The following PAM variants were observed in gnomAD, a reference collection of about 807,000 sequenced individuals.
PAM encodes peptidyl-glycine alpha-amidating monooxygenase.
PAM carries 72 observed loss-of-function variants against 122.1 expected under a neutral mutation model. That is an observed-to-expected ratio of 0.59 (90% CI 0.49 to 0.72). The LOEUF (loss-of-function observed/expected upper bound fraction) is 0.72. PAM is among the 30% of genes least tolerant of loss of function. The pLI, the probability that PAM is intolerant of heterozygous loss-of-function variation, is 0.00. For synonymous variants in PAM, 389 were observed against 404.4 expected (o/e 0.96, Z 0.46); for missense variants, 1,106 against 1,183.7 (o/e 0.93, Z 0.96).
chr5:102,899,308 T>C (rs562502698), intron 3 of PAM, among the ~76,000 whole-genome samples: 2 of 151,812 alleles, frequency 1.3e-5, no homozygotes, highest in East Asian at 1.9e-4. Context: ...AGCAGGTTCC[T>C]TTATTCTCTG....
At chr5:102,861,949 C>A (rs899522037) in intron 1 of PAM, among the ~76,000 whole-genome samples, 1 of 152,036 alleles carries the variant, frequency 6.6e-6, no homozygotes, top group African/African-American at 2.4e-5. Flanking sequence ...ACAGGCAGAT[C>A]ACTTGAGCTC....
intron 1 of PAM, among the ~76,000 whole-genome samples, chr5:102,851,203 A>C (rs988246231): frequency 2.0e-5 from 3 of 152,156 alleles, no homozygotes; most frequent in Non-Finnish European, 2.9e-5. Flanking sequence ...TTAGGAGAAA[A>C]ATTTAAATAC....
intron 7 of PAM, among the ~76,000 whole-genome samples, chr5:102,936,199 A>C (rs566401002): frequency 2.6e-5 from 4 of 152,198 alleles, no homozygotes; most frequent in African/African-American, 9.6e-5. Context: ...GTAGCTTGAA[A>C]TTGGCTGTGG....
rs910624859 is a variant in PAM at position 102,949,988 on chromosome 5, A to G, written c.801+10A>G. 3 of 1,430,384 alleles carry G rather than the reference A, an allele frequency of 2.1e-6. No homozygotes were observed. The highest frequency in any genetic ancestry group is 2.8e-5 in the African/African-American group (2 of 71,188). The allele number at this position is 1,430,384 out of a possible 1,614,324, so 88.6% of individuals were successfully genotyped here. A position where few individuals can be genotyped will look rare whatever the true frequency, so the allele number is the denominator to read the frequency against. ...CCCTCAGCTGCCACAGGTGGGTAAA[A>G]TCTAGTTTAATTTTGAGAGAAAAAA... is the stretch of plus-strand genomic sequence containing the variant. On this transcript the variant is annotated intron_variant, in intron 11 of 25. Coordinates refer to ENST00000438793, the MANE Select transcript of PAM (RefSeq NM_001177306.2).
In PAM at chr5:102,914,034, G is replaced by C; in HGVS notation, c.356+13G>C. 1 of 1,405,266 alleles carries C rather than the reference G, an allele frequency of 7.1e-7. No homozygotes were observed. The highest frequency in any genetic ancestry group is 1.0e-6 in the Non-Finnish European group (1 of 989,774). The allele number at this position is 1,405,266 out of a possible 1,614,324, so 87.0% of individuals were successfully genotyped here. ...CTGGAAGTTACTGGTAAGGATAATG[G>C]GTTTACAGTATAGAAGGGTGTAGAA... On this transcript the variant is annotated intron_variant, in intron 5 of 25. Transcript: ENST00000438793.
intron 17 of PAM, 67 bp downstream of exon 17, chr5:103,003,216 G>T (rs1457627341): frequency 2.7e-6 from 2 of 743,670 alleles, no homozygotes; most frequent in Admixed American, 4.1e-5. Context: ...GTATCATAGA[G>T]TCTTGAAATT....
At chr5:102,889,836 T>C (rs979070056) in intron 3 of PAM, among the ~76,000 whole-genome samples, 1 of 151,908 alleles carries the variant, frequency 6.6e-6, no homozygotes, top group Non-Finnish European at 1.5e-5. Flanking sequence ...GTCAGCACTT[T>C]GGTCTCTCCC....
chr5:103,014,687 C>T (rs1051685256), intron 21 of PAM, among the ~76,000 whole-genome samples: 4 of 152,176 alleles, frequency 2.6e-5, no homozygotes, highest in African/African-American at 9.7e-5. Context: ...TCTCCATCTT[C>T]TACTATTACA....
chr5:103,005,591 T>G (rs1422509481), intron 18 of PAM, among the ~76,000 whole-genome samples: 2 of 152,176 alleles, frequency 1.3e-5, no homozygotes, highest in African/African-American at 4.8e-5. Context: ...TCTCTTCTTA[T>G]GGCACTAATC....
At chr5:102,784,223 C>T (rs1759881639) in intron 1 of PAM, among the ~76,000 whole-genome samples, 1 of 152,158 alleles carries the variant, frequency 6.6e-6, no homozygotes, top group Non-Finnish European at 1.5e-5. Context: ...TCTGTTCTTA[C>T]CTGGTGCTCC....
chr5:102,997,752 G>A (rs1042067739), intron 16 of PAM, among the ~76,000 whole-genome samples: 13 of 152,196 alleles, frequency 8.5e-5, no homozygotes, highest in African/African-American at 3.1e-4. Flanking sequence ...GAATATAAAT[G>A]TCCATACAGA....
intron 15 of PAM, among the ~76,000 whole-genome samples, chr5:102,976,889 A>G (rs1408315644): frequency 6.6e-6 from 1 of 152,150 alleles, no homozygotes; most frequent in Non-Finnish European, 1.5e-5. Flanking sequence ...GTTGTGCTCA[A>G]TCAAAGAGAT....
intron 5 of PAM, among the ~76,000 whole-genome samples, chr5:102,922,167 C>T (rs537546893): frequency 2.0e-5 from 3 of 151,122 alleles, no homozygotes; most frequent in Non-Finnish European, 2.9e-5. Context: ...TGTTTCATGC[C>T]GGGACTTCAG....
chr5:102,941,482 G>A (rs909397094), intron 7 of PAM, among the ~76,000 whole-genome samples: 1 of 152,152 alleles, frequency 6.6e-6, no homozygotes, highest in Non-Finnish European at 1.5e-5. Context: ...GCAGCCTCCA[G>A]GAAAACCTCA....
rs1554107228 is a variant in PAM, at chr5:102,900,263, GGC to G, written c.211-1091_211-1090del. Among the ~76,000 whole-genome samples, 327 of 109,580 alleles carry G rather than the reference GGC, an allele frequency of 3.0e-3. 9 individuals carry two copies. The highest frequency in any genetic ancestry group is 0.012 in the African/African-American group (311 of 25,818). 71.9% of individuals were successfully genotyped at this position (109,580 alleles called of 152,430 possible). A position where few individuals can be genotyped will look rare whatever the true frequency, so the allele number is the denominator to read the frequency against. ...TCTTAATGTGTGTGTGTGGGGGGGG[GGC>G]GGGGGGAAGAGGGTAGACAAAATCA... On this transcript the variant is annotated intron_variant, in intron 3 of 25. Transcript: ENST00000438793.
chr5:103,016,758 C>G (rs574538338), intron 21 of PAM, among the ~76,000 whole-genome samples: 1 of 152,278 alleles, frequency 6.6e-6, no homozygotes, highest in South Asian at 2.1e-4. Context: ...CATAAGACTT[C>G]AAGAGTATAA....
At chr5:102,828,168 C>G (rs1774229440) in intron 1 of PAM, among the ~76,000 whole-genome samples, 2 of 151,832 alleles carry the variant, frequency 1.3e-5, no homozygotes, top group South Asian at 4.2e-4. Flanking sequence ...GCGAGACCCT[C>G]TGTCTACTAC....
chr5:102,990,457 T>A lies in PAM; in HGVS notation c.1613+56T>A. ...TGAAAATAAAAATAGTGTACATAAT[T>A]TTTTCACTAAACTAAGAATAATGGT... On this transcript the variant is annotated intron_variant, in intron 16 of 25. Transcript: ENST00000438793. The A allele has an allele frequency of 6.0e-6, 8 of 1,335,394 alleles. No homozygotes were observed. In the South Asian group the frequency reaches 1.2e-4, roughly 20 times the overall value. The allele number at this position is 1,335,394 out of a possible 1,614,324, so 82.7% of individuals were successfully genotyped here.
chr5:102,858,877 G>A (rs1174105872), intron 1 of PAM, among the ~76,000 whole-genome samples: 2 of 152,058 alleles, frequency 1.3e-5, no homozygotes, highest in African/African-American at 2.4e-5. Flanking sequence ...TCAGTGTCAC[G>A]ACACATATGT....
Sources: gnomAD v4.1 joint callset for allele counts (sites outside exome capture counted in the v4.1 genomes callset) on GRCh38, gnomAD v4.1.1 for gene constraint, MANE v1.5 for transcripts, NCBI Gene and HGNC (gene_info 2026-07-23, HGNC 2026-07-21) for gene names.